DNAH2: variants seen among roughly 807,000 people sequenced by gnomAD.
The protein encoded by DNAH2 is dynein axonemal heavy chain 2, also known as axonemal beta dynein heavy chain 2.
In DNAH2, 323 loss-of-function variants were observed where a neutral mutation model predicts 523.5. The observed-to-expected ratio is 0.62, with a 90% CI of 0.56 to 0.68. The LOEUF (loss-of-function observed/expected upper bound fraction) is 0.68, where lower values mean the gene tolerates loss of function less well. DNAH2 is among the 30% of genes least tolerant of loss of function. The probability of loss-of-function intolerance (pLI) is 0.00; values close to 1 mark genes in which losing one functional copy is unlikely to be tolerated. For missense variants in DNAH2, 4,907 were observed against 5,701.5 expected, an observed-to-expected ratio of 0.86 and a Z score of 4.49; for synonymous variants, 2,093 against 2,177.4, an observed-to-expected ratio of 0.96 and a Z score of 1.08.
At chr17:7,741,312 TC>T (rs2075334722) in intron 11 of DNAH2, among the ~76,000 whole-genome samples, 1 of 67,670 alleles carries the variant, frequency 1.5e-5, no homozygotes, top group Non-Finnish European at 2.7e-5. Flanking sequence ...CTTCCCTCCC[TC>T]CCTCCCTCCC....
Position 7,819,002 on chromosome 17 carries a change from A to G in DNAH2, c.10754A>G (p.Glu3585Gly), listed in dbSNP as rs1168533492. ...CATACCTCCAAGATCACAGCCACAGAGGTGACTGAGCAGCTGGAGACCAGT... is the reference window on the plus strand; with the variant it reads ...CATACCTCCAAGATCACAGCCACAGGGGTGACTGAGCAGCTGGAGACCAGT... ...TLHTSKITAT[E>G]VTEQLETSET... Residue 3585 changes from glutamate (E) to glycine (G), a missense_variant, in exon 71 of 86, where the codon GAG (glutamate) becomes GGG (glycine). Glu to Gly is a moderately conservative substitution (Grantham distance 98, BLOSUM62 -2). Transcript: ENST00000572933. The G allele has an allele frequency of 6.2e-7, 1 of 1,611,030 alleles. No individual in the cohort carries two copies. Among genetic ancestry groups the G allele is most frequent in the Non-Finnish European group, 8.5e-7 (1 of 1,179,950 alleles).
chr17:7,801,864 G>T lies in DNAH2; in HGVS notation c.8833-14G>T. On this transcript the variant is annotated splice_polypyrimidine_tract_variant and intron_variant, in intron 57 of 85. Transcript: ENST00000572933. Reference sequence around the variant, plus strand: ...GTTTCCATCTGCCTTTTCATCCTGTGTCACTGGCCTCAGATCCACAGGAAG... The same window carrying T: ...GTTTCCATCTGCCTTTTCATCCTGTTTCACTGGCCTCAGATCCACAGGAAG... 1.9e-6 allele frequency: 3 copies of T among 1,613,984 alleles called. No homozygotes were observed. Among genetic ancestry groups the T allele is most frequent in the Non-Finnish European group, 2.5e-6 (3 of 1,179,982 alleles).
Position 7,821,515 on chromosome 17 carries a change from G to A in DNAH2, c.11142+146G>A, listed in dbSNP as rs187985995. On this transcript the variant is annotated intron_variant, in intron 73 of 85. Transcript: ENST00000572933. This position sits in a 1 kb window ranked among gnomAD's most constrained non-coding sequence, Gnocchi z 5.0. The stretch of plus-strand genomic sequence containing the variant: ...AATCCAGGCCAGCATCAGGTGCATG[G>A]TGAGCTCCCTGGGGCTGCGGAGGTG... The A allele has an allele frequency of 2.4e-3, 2,925 of 1,222,366 alleles. 5 individuals carry two copies. Among genetic ancestry groups the A allele is most frequent in the Non-Finnish European group, 3.0e-3 (2,723 of 903,350 alleles). 75.7% of individuals were successfully genotyped at this position (1,222,366 alleles called of 1,614,324 possible).
At chr17:7,740,013 G>T in intron 9 of DNAH2, 75 bp downstream of exon 9, 1 of 1,384,074 alleles carries the variant, frequency 7.2e-7, no homozygotes, top group South Asian at 1.2e-5. Flanking sequence ...GAGGAGTGGC[G>T]AGAGTATGCA....
In DNAH2 at chr17:7,759,265, A is replaced by G. The variant is rs568092336; in HGVS notation, c.2448+141A>G. ...AACATCGTGCTCTAGTCTTGGACTCAGCCAACCTTCAGTCCTCACACCTCT... is the reference window on the plus strand; with the variant it reads ...AACATCGTGCTCTAGTCTTGGACTCGGCCAACCTTCAGTCCTCACACCTCT... On this transcript the variant is annotated intron_variant, in intron 15 of 85. Transcript: ENST00000572933. 5.5e-6 allele frequency: 8 copies of G among 1,444,436 alleles called. No individual in the cohort carries two copies. The South Asian group carries it at 9.6e-5, about 17-fold the overall frequency. The allele number at this position is 1,444,436 out of a possible 1,614,324, so 89.5% of individuals were successfully genotyped here.
chr17:7,781,244 G>C, intron 39 of DNAH2, 77 bp downstream of exon 39: 1 of 1,539,860 alleles, frequency 6.5e-7, no homozygotes. Context: ...GGAGGCCGAG[G>C]TGGGCAGACT....
chr17:7,772,579 C>G (rs2076347070), intron 28 of DNAH2, among the ~76,000 whole-genome samples: 1 of 152,190 alleles, frequency 6.6e-6, no homozygotes, highest in Non-Finnish European at 1.5e-5. Context: ...GCATGAGGGT[C>G]ACCTCTGAGT....
intron 9 of DNAH2, 90 bp downstream of exon 9, chr17:7,740,028 A>T (rs1205404088): frequency 3.4e-6 from 4 of 1,182,134 alleles, no homozygotes; most frequent in African/African-American, 1.7e-5. Context: ...TATGCAAAGG[A>T]AATGGTGGAA....
Position 7,798,514 on chromosome 17 carries a change from G to A in DNAH2, c.8399-44G>A. On this transcript the variant is annotated intron_variant, in intron 54 of 85. Coordinates refer to ENST00000572933, the MANE Select transcript of DNAH2 (RefSeq NM_020877.5). The surrounding 1 kb of genome is among the most constrained non-coding windows in gnomAD (Gnocchi z 5.5). Reference sequence around the variant, plus strand: ...TCAGAAAAGGAATCAAGCCCAGGATGGGGAATCTGCAGTGAGTTTGTCCTC... The same window carrying A: ...TCAGAAAAGGAATCAAGCCCAGGATAGGGAATCTGCAGTGAGTTTGTCCTC... The A allele has an allele frequency of 6.2e-7, 1 of 1,608,694 alleles. No homozygotes were observed. The highest frequency in any genetic ancestry group is 8.5e-7 in the Non-Finnish European group (1 of 1,177,346).
At position 7,774,824 on chromosome 17, in the gene DNAH2, T is replaced by C; in HGVS notation, c.4567T>C (p.Tyr1523His). ...AGATATTCAGAAATCTCTGGATATG[T>C]ATTTAGAGACCAAGCGACATATTTT... The part of the protein sequence containing the change: ...LEDIQKSLDM[Y>H]LETKRHIFPR... Residue 1523 changes from tyrosine to histidine, a missense_variant, in exon 29 of 86, where the codon TAT becomes CAT. Physicochemically the swap from Tyr to His is moderately conservative, Grantham distance 83. Coordinates refer to ENST00000572933, the MANE Select transcript of DNAH2 (RefSeq NM_020877.5). The C allele has an allele frequency of 1.2e-6, 2 of 1,614,216 alleles. No homozygotes were observed. Among genetic ancestry groups the C allele is most frequent in the Non-Finnish European group, 1.7e-6 (2 of 1,180,030 alleles).
chr17:7,779,296 G>C lies in DNAH2; in HGVS notation c.5595G>C (p.Leu1865=). ...DEFNRINIEV[L]SVVAHQILCI... ...TTAACCGCATCAACATCGAGGTGCT[G>C]TCAGTGGTGGCCCACCAGATCCTGT... Residue 1865 remains leucine, a synonymous_variant, in exon 36 of 86, where the codon CTG becomes CTC. Transcript: ENST00000572933. 2 of 1,614,208 alleles carry C rather than the reference G, an allele frequency of 1.2e-6. No individual in the cohort carries two copies. The highest frequency in any genetic ancestry group is 1.7e-6 in the Non-Finnish European group (2 of 1,180,042).
intron 8 of DNAH2, chr17:7,738,130 G>A (rs907774371): frequency 2.4e-5 from 17 of 702,938 alleles, no homozygotes; most frequent in Non-Finnish European, 4.4e-5. Context: ...AGTATGATAC[G>A]CCTCCCCTAA....
intron 72 of DNAH2, among the ~76,000 whole-genome samples, chr17:7,820,518 G>A (rs1420342431): frequency 6.6e-6 from 1 of 152,130 alleles, no homozygotes; most frequent in Non-Finnish European, 1.5e-5. Flanking sequence ...TGCTCATGCT[G>A]TGATCTCTCT....
At chr17:7,800,038 T>C (rs1327860928) in intron 56 of DNAH2, among the ~76,000 whole-genome samples, 1 of 152,194 alleles carries the variant, frequency 6.6e-6, no homozygotes, top group Non-Finnish European at 1.5e-5. Flanking sequence ...GGTGGAACCA[T>C]GCCGCACTTG....
At chr17:7,753,656 CCTACAGG>C (rs2151183326) in intron 12 of DNAH2, among the ~76,000 whole-genome samples, 1 of 152,174 alleles carries the variant, frequency 6.6e-6, no homozygotes, top group East Asian at 1.9e-4. Flanking sequence ...CATGTTAAAA[CCTACAGG>C]CTTGCTGGGT....
intron 48 of DNAH2, among the ~76,000 whole-genome samples, chr17:7,793,453 TTCTTTC>T (rs56157373): frequency 0.031 from 3,829 of 121,834 alleles, 180 homozygotes; most frequent in Middle Eastern, 0.06. Flanking sequence ...TTCTTTTTCT[TTCTTTC>T]TTTCTTTCTT....
rs2076400881 is a variant in DNAH2 at position 7,774,683 on chromosome 17, A to T, written c.4502-76A>T. ...CCCACTGTTCAAGAGCTGGCAAAGA[A>T]CACAGAGTTGGGGCATCCAGATCCG... is the stretch of plus-strand genomic sequence containing the variant. On this transcript the variant is annotated intron_variant, in intron 28 of 85. Coordinates refer to ENST00000572933, the MANE Select transcript of DNAH2 (RefSeq NM_020877.5). 1.2e-5 allele frequency: 16 copies of T among 1,330,622 alleles called. No individual in the cohort carries two copies. In the South Asian group the frequency reaches 2.2e-4, roughly 18 times the overall value. The allele number at this position is 1,330,622 out of a possible 1,614,324, so 82.4% of individuals were successfully genotyped here.
chr17:7,766,284 C>CG lies in DNAH2; in HGVS notation c.3512-31dup, dbSNP rs747512624. 1.0e-5 allele frequency: 16 copies of CG among 1,600,000 alleles called. No individual in the cohort carries two copies. The South Asian group carries it at 1.8e-4, about 18-fold the overall frequency. On this transcript the variant is annotated intron_variant, in intron 21 of 85. Coordinates refer to ENST00000572933, the MANE Select transcript of DNAH2 (RefSeq NM_020877.5). ...CATGGCTGTCCTTGCCAGACGTGAG[C>CG]GGGAAGCTGAGCTTCATCCTGAATC...
Position 7,734,490 on chromosome 17 carries a change from C to T in DNAH2, c.760C>T (p.Arg254Trp), listed in dbSNP as rs184551710. The T allele has an allele frequency of 4.5e-5, 73 of 1,613,718 alleles. No homozygotes were observed. In the East Asian group the frequency reaches 1.0e-3, roughly 23 times the overall value. The part of the protein sequence containing the change: ...RLETSMIHWT[R>W]QIKEMLSAQE... ...TGCAGCCTCCATGATCCACTGGACCCGGCAGATAAAGGAGATGCTCAGTGC... is the reference window on the plus strand; with the variant it reads ...TGCAGCCTCCATGATCCACTGGACCTGGCAGATAAAGGAGATGCTCAGTGC... Residue 254 changes from arginine (R) to tryptophan (W), a missense_variant, in exon 7 of 86, where the codon CGG becomes TGG. Transcript: ENST00000572933.
Sources: allele counts gnomAD v4.1 joint callset (sites outside exome capture counted in the v4.1 genomes callset), GRCh38; gene constraint gnomAD v4.1.1; non-coding constraint Gnocchi (gnomAD v3.1); transcripts MANE v1.5; gene names NCBI Gene and HGNC (gene_info 2026-07-23, HGNC 2026-07-21).